NEURL1: variants seen among roughly 807,000 people sequenced by gnomAD.
NEURL1 encodes the protein neuralized E3 ubiquitin protein ligase 1.
Under a neutral mutation model 41.2 loss-of-function variants are expected in NEURL1, and 26 were observed. The observed-to-expected ratio is 0.63, with a 90% confidence interval of 0.46 to 0.87. The LOEUF is 0.87. Ranked by LOEUF, NEURL1 falls within the 40% of genes least tolerant of loss-of-function variation. The pLI is 0.00. For synonymous variants in NEURL1, 400 were observed against 402.3 expected (o/e 0.99, Z 0.07); for missense variants, 761 against 871.1 (o/e 0.87, Z 1.59).
In NEURL1 at chr10:103,558,391, G is replaced by A; in HGVS notation, c.86-12481G>A. ...ATGTGTATCTGTGTTTTAGATCTCT[G>A]TGTACCTGTGTGATGTGTCTCTAAC... On this transcript the variant is annotated intron_variant, in intron 1 of 5. Transcript: ENST00000369780. This position sits in a 1 kb window ranked among gnomAD's most constrained non-coding sequence, Gnocchi z 4.2. The A allele has an allele frequency of 3.3e-6, 1 of 305,400 alleles. No individual in the cohort carries two copies. 18.9% of individuals were successfully genotyped at this position (305,400 alleles called of 1,614,324 possible). A position where few individuals can be genotyped will look rare whatever the true frequency, so the allele number is the denominator to read the frequency against.
intron 1 of NEURL1, among the ~76,000 whole-genome samples, chr10:103,495,694 T>A (rs373887030): frequency 6.6e-6 from 1 of 152,252 alleles, no homozygotes; most frequent in African/African-American, 2.4e-5. Flanking sequence ...ACCACTGTCC[T>A]GCATTCTAAT....
At chr10:103,530,027 G>T (rs1419927771) in intron 1 of NEURL1, among the ~76,000 whole-genome samples, 1 of 152,130 alleles carries the variant, frequency 6.6e-6, no homozygotes, top group African/African-American at 2.4e-5. Flanking sequence ...AGCCTCTGTG[G>T]TATCAGTTGT....
At chr10:103,544,887 A>C (rs1490204523) in intron 1 of NEURL1, among the ~76,000 whole-genome samples, 1 of 152,196 alleles carries the variant, frequency 6.6e-6, no homozygotes, top group Non-Finnish European at 1.5e-5. Flanking sequence ...GGGAGAAGCC[A>C]CGGAGACATT....
In NEURL1 at chr10:103,584,827, C is replaced by CGCGCGTGGAGCACGG; in HGVS notation, c.947_961dup (p.Val316_Arg320dup). On this transcript the variant is annotated inframe_insertion, in exon 4 of 6. Coordinates refer to ENST00000369780, the MANE Select transcript of NEURL1 (RefSeq NM_004210.5). ...CGCATCCTCGACGAGCAGACGGTGG[C>CGCGCGTGGAGCACGG]GCGCGTGGAGCACGGGCGCGACGAG... 7.1e-7 allele frequency: 1 copy of CGCGCGTGGAGCACGG among 1,415,294 alleles called. No homozygotes were observed. The highest frequency in any genetic ancestry group is 9.2e-7 in the Non-Finnish European group (1 of 1,092,510). 87.7% of individuals were successfully genotyped at this position (1,415,294 alleles called of 1,614,324 possible).
At chr10:103,524,928 G>A (rs1472714967) in intron 1 of NEURL1, among the ~76,000 whole-genome samples, 1 of 151,820 alleles carries the variant, frequency 6.6e-6, no homozygotes, top group Non-Finnish European at 1.5e-5. Context: ...TGGGGGGTGG[G>A]GTCCATAGAA....
intron 1 of NEURL1, among the ~76,000 whole-genome samples, chr10:103,535,918 C>T (rs1193193682): frequency 6.6e-6 from 1 of 152,182 alleles, no homozygotes; most frequent in African/African-American, 2.4e-5. Context: ...TCCAAGATGG[C>T]ATAGCAGAGT....
intron 3 of NEURL1, chr10:103,577,974 G>C (rs1004732083): frequency 5.9e-5 from 9 of 152,200 alleles, no homozygotes; most frequent in African/African-American, 2.2e-4. Flanking sequence ...AGCATCTCTT[G>C]GGCCCAAGAG....
In NEURL1 at chr10:103,493,719, C is replaced by G. The variant is rs946533881; in HGVS notation, c.-669C>G. Among the ~76,000 whole-genome samples the G allele has an allele frequency of 1.3e-5, 2 of 152,040 alleles. No homozygotes were observed. The highest frequency in any genetic ancestry group is 2.9e-5 in the Non-Finnish European group (2 of 67,972). On this transcript the variant is annotated 5_prime_UTR_variant, in exon 1 of 6. Transcript: ENST00000369780. ...GCGTGTCACTAAGACGCTCATTCACCGGCGCAGCTGTCACCATAACAACCG... is the reference window on the plus strand; with the variant it reads ...GCGTGTCACTAAGACGCTCATTCACGGGCGCAGCTGTCACCATAACAACCG...
At chr10:103,499,521 A>C (rs1307781726) in intron 1 of NEURL1, among the ~76,000 whole-genome samples, 1 of 147,224 alleles carries the variant, frequency 6.8e-6, no homozygotes, top group Non-Finnish European at 1.5e-5. Context: ...GCTGGAGTGC[A>C]GTGGTGGATC....
chr10:103,525,173 A>AT (rs929769502), intron 1 of NEURL1, among the ~76,000 whole-genome samples: 62 of 145,228 alleles, frequency 4.3e-4, no homozygotes, highest in African/African-American at 7.3e-4. Flanking sequence ...TTATTCCTAG[A>AT]TTTTTTTTTT....
intron 1 of NEURL1, among the ~76,000 whole-genome samples, chr10:103,555,687 TCTCCTTGTCCTCTTAC>T (rs148885463): frequency 0.022 from 3,381 of 151,842 alleles, 59 homozygotes; most frequent in South Asian, 0.055. Flanking sequence ...CCCCACAAAG[TCTCCTTGTCCTCTTAC>T]CTCCTTGTCC....
Position 103,535,888 on chromosome 10 carries a change from G to A in NEURL1, c.86-34984G>A, listed in dbSNP as rs141832577. Among the ~76,000 whole-genome samples, 427 of 152,258 alleles carry A rather than the reference G, an allele frequency of 2.8e-3. 2 individuals carry two copies. Among genetic ancestry groups the A allele is most frequent in the African/African-American group, 8.9e-3 (368 of 41,544 alleles). ...GCAACTCACCCCGGGAGCAAGATGC[G>A]CTCCAGCTGTTGTTCCAATTCCAAG... On this transcript the variant is annotated intron_variant, in intron 1 of 5. Coordinates refer to ENST00000369780, the MANE Select transcript of NEURL1 (RefSeq NM_004210.5).
At position 103,571,810 on chromosome 10, in the gene NEURL1, G is replaced by C; in HGVS notation, c.637G>C (p.Val213Leu). 6.2e-7 allele frequency: 1 copy of C among 1,602,794 alleles called. No individual in the cohort carries two copies. The highest frequency in any genetic ancestry group is 8.5e-7 in the Non-Finnish European group (1 of 1,174,474). The change falls in exon 3 of 6, where the codon GTC (valine) becomes CTC (leucine). Residue 213 changes from valine (V) to leucine (L), a missense_variant. Val to Leu is a conservative substitution (Grantham distance 32, BLOSUM62 1). Transcript: ENST00000369780. ...GGACGTCTACGGCCTCACGCGGGGC[G>C]TCCAGCTGCTTGGTGAGTGCCTGCC... ...LVDVYGLTRG[V>L]QLLDSELVLP... is the part of the protein sequence containing the mutation.
At chr10:103,547,604 TG>T (rs1333870917) in intron 1 of NEURL1, among the ~76,000 whole-genome samples, 2 of 152,126 alleles carry the variant, frequency 1.3e-5, no homozygotes, top group Admixed American at 1.3e-4. Context: ...CTCCCAGCTT[TG>T]GGGTGGCTTC....
At chr10:103,518,669 T>C (rs560829023) in intron 1 of NEURL1, among the ~76,000 whole-genome samples, 1 of 151,944 alleles carries the variant, frequency 6.6e-6, no homozygotes, top group Non-Finnish European at 1.5e-5. Flanking sequence ...TTGCAGGAGG[T>C]GAGGGAGTGA....
At chr10:103,497,210 T>C (rs957619837) in intron 1 of NEURL1, among the ~76,000 whole-genome samples, 4 of 152,230 alleles carry the variant, frequency 2.6e-5, no homozygotes, top group Non-Finnish European at 5.9e-5. Flanking sequence ...CTCTTCTAAA[T>C]GTATCAGCAT....
At chr10:103,531,599 C>G (rs2034575050) in intron 1 of NEURL1, among the ~76,000 whole-genome samples, 1 of 151,802 alleles carries the variant, frequency 6.6e-6, no homozygotes, top group Non-Finnish European at 1.5e-5. Flanking sequence ...GTAGCATGGT[C>G]ATAGCTCACT....
At position 103,571,487 on chromosome 10, in the gene NEURL1, C is replaced by T. The variant is rs1175900214; in HGVS notation, c.328-14C>T. The T allele has an allele frequency of 1.3e-5, 21 of 1,588,980 alleles. No individual in the cohort carries two copies. The highest frequency in any genetic ancestry group is 8.9e-5 in the East Asian group (4 of 44,710). ...GTGGGAGAGGGTGGGCTGAGGCCAC[C>T]CCCTGCCACCCAGATCACCAAGAAG... On this transcript the variant is annotated splice_polypyrimidine_tract_variant and intron_variant, in intron 2 of 5. Transcript: ENST00000369780.
chr10:103,571,238 C>T, intron 2 of NEURL1, 125 bp downstream of exon 2: 1 of 1,009,668 alleles, frequency 9.9e-7, no homozygotes, highest in Non-Finnish European at 1.5e-6. Context: ...CACCCTGCCC[C>T]TGCCTTTCCT....
Sources: gnomAD v4.1 joint callset for allele counts (sites outside exome capture counted in the v4.1 genomes callset) on GRCh38, gnomAD v4.1.1 for gene constraint, Gnocchi (gnomAD v3.1) non-coding constraint, MANE v1.5 for transcripts, NCBI Gene and HGNC (gene_info 2026-07-23, HGNC 2026-07-21) for gene names.